Variants in BSN observed in about 807,000 individuals in gnomAD.
BSN encodes the protein protein bassoon.
A neutral mutation model predicts 264.8 loss-of-function variants in BSN; 57 were observed. That is an observed-to-expected ratio of 0.22 (90% confidence interval 0.17 to 0.27). The LOEUF (loss-of-function observed/expected upper bound fraction) is 0.27. BSN is among the 10% of genes least tolerant of loss of function. The pLI, the probability that BSN is intolerant of heterozygous loss-of-function variation, is 1.00. For missense variants in BSN, 4,615 were observed against 5,232.5 expected (o/e 0.88, Z 3.64); for synonymous variants, 2,059 against 2,137.3 (o/e 0.96, Z 1.01).
Position 49,652,889 on chromosome 3 carries a change from G to A in BSN, c.3333G>A (p.Gln1111=). Residue 1111 remains glutamine, a synonymous_variant, in exon 5 of 12, where the codon CAG becomes CAA. Coordinates refer to ENST00000296452, the MANE Select transcript of BSN (RefSeq NM_003458.4). ...CCTCCCCGACGGAGGAGCTGAGGCA[G>A]GCGGCCGAGATGGAGGAGCTACACC... ...EDASPTEELR[Q]AAEMEELHRS... The A allele has an allele frequency of 6.2e-7, 1 of 1,609,690 alleles. No homozygotes were observed. The highest frequency in any genetic ancestry group is 8.5e-7 in the Non-Finnish European group (1 of 1,177,144).
chr3:49,620,865 A>G (rs925494180), intron 1 of BSN, among the ~76,000 whole-genome samples: 2 of 152,116 alleles, frequency 1.3e-5, no homozygotes, highest in African/African-American at 4.8e-5. Context: ...GTGCGCCTGT[A>G]GTCCCAGCTA....
intron 1 of BSN, among the ~76,000 whole-genome samples, chr3:49,624,300 C>CATTTTTTTTTTTT (rs2052326362): frequency 1.5e-5 from 1 of 67,190 alleles, no homozygotes; most frequent in Non-Finnish European, 2.7e-5. Context: ...CGTGCCCAGC[C>CATTTTTTTTTTTT]TTTTTTTTTT....
intron 2 of BSN, among the ~76,000 whole-genome samples, chr3:49,641,050 G>C (rs1298469792): frequency 5.9e-5 from 9 of 152,096 alleles, no homozygotes; most frequent in Admixed American, 5.9e-4. Flanking sequence ...GGCTGGGTTG[G>C]GTCACAGAGT....
intron 5 of BSN, among the ~76,000 whole-genome samples, chr3:49,659,982 C>A (rs973032188): frequency 6.6e-6 from 1 of 152,116 alleles, no homozygotes; most frequent in Non-Finnish European, 1.5e-5. Context: ...GATTGGCATA[C>A]AATCTACATG....
At position 49,625,214 on chromosome 3, in the gene BSN, C is replaced by A. The variant is rs1575441020; in HGVS notation, c.464C>A (p.Pro155His). Residue 155 changes from proline (P) to histidine (H), a missense_variant, in exon 2 of 12, where the codon CCC becomes CAC. Pro to His is a moderately conservative substitution (Grantham distance 77, BLOSUM62 -2). Transcript: ENST00000296452. The surrounding 1 kb of genome is among the most constrained non-coding windows in gnomAD (Gnocchi z 4.4). ...GACAGAGGCAGCACCCCCACATCACCCTACTCCGTCCCTCAGATCGCCCCC... is the reference window on the plus strand; with the variant it reads ...GACAGAGGCAGCACCCCCACATCACACTACTCCGTCCCTCAGATCGCCCCC... ...SPDRGSTPTSPYSVPQIAPLP... is the reference protein window; with the variant it reads ...SPDRGSTPTSHYSVPQIAPLP... 1 of 1,577,008 alleles carries A rather than the reference C, an allele frequency of 6.3e-7. No individual in the cohort carries two copies. Among genetic ancestry groups the A allele is most frequent in the Non-Finnish European group, 8.6e-7 (1 of 1,162,686 alleles).
In BSN at chr3:49,661,365, G is replaced by A. The variant is rs752281059; in HGVS notation, c.9520G>A (p.Ala3174Thr). ...CAGCCCCGTTGTGCCCATGTCTTCAGCCCCATCTGAAACCAGCTACAGTGG... is the reference window on the plus strand; with the variant it reads ...CAGCCCCGTTGTGCCCATGTCTTCAACCCCATCTGAAACCAGCTACAGTGG... ...IASPVVPMSS[A>T]PSETSYSGPA... Residue 3174 changes from alanine (A) to threonine (T), a missense_variant, in exon 6 of 12, where the codon GCC (alanine) becomes ACC (threonine). Coordinates refer to ENST00000296452, the MANE Select transcript of BSN (RefSeq NM_003458.4). 2 of 1,614,000 alleles carry A rather than the reference G, an allele frequency of 1.2e-6. No homozygotes were observed. Among genetic ancestry groups the A allele is most frequent in the South Asian group, 2.2e-5 (2 of 91,082 alleles).
At chr3:49,560,177 C>T (rs1378971673) in intron 1 of BSN, among the ~76,000 whole-genome samples, 4 of 152,100 alleles carry the variant, frequency 2.6e-5, no homozygotes, top group Non-Finnish European at 5.9e-5. Flanking sequence ...ATAAATCTTT[C>T]CCCTTATCAC....
Position 49,662,425 on chromosome 3 carries a change from C to A in BSN, c.10580C>A (p.Thr3527Asn). The A allele has an allele frequency of 1.2e-6, 2 of 1,613,430 alleles. No individual in the cohort carries two copies. Among genetic ancestry groups the A allele is most frequent in the Non-Finnish European group, 1.7e-6 (2 of 1,180,004 alleles). The change falls in exon 6 of 12, where the codon ACC (threonine) becomes AAC (asparagine). Residue 3527 changes from threonine (T) to asparagine (N), a missense_variant. Transcript: ENST00000296452. ...AGGPLPPGGD[T>N]CPQFCSSHSM... ...GGGCCCCTCCCTCCCGGCGGGGATA[C>A]CTGCCCACAGTTCTGCTCCAGCCAC...
chr3:49,596,393 G>C (rs1211316600), intron 1 of BSN, among the ~76,000 whole-genome samples: 2 of 152,170 alleles, frequency 1.3e-5, no homozygotes, highest in African/African-American at 4.8e-5. Context: ...GACAGAGCGA[G>C]ACTCCGTCTC....
intron 1 of BSN, among the ~76,000 whole-genome samples, chr3:49,584,372 T>A (rs1350582520): frequency 6.6e-6 from 1 of 152,060 alleles, no homozygotes; most frequent in Non-Finnish European, 1.5e-5. Context: ...TAATCTTTAT[T>A]ATTTTCTTCA....
intron 1 of BSN, among the ~76,000 whole-genome samples, chr3:49,594,971 G>A (rs927332183): frequency 1.3e-4 from 19 of 142,862 alleles, no homozygotes; most frequent in East Asian, 4.3e-4. Context: ...GCTCACTGCC[G>A]TCTCTGCCTC....
At chr3:49,595,354 G>A (rs775112891) in intron 1 of BSN, among the ~76,000 whole-genome samples, 2 of 151,632 alleles carry the variant, frequency 1.3e-5, no homozygotes, top group Non-Finnish European at 2.9e-5. Context: ...CACCACCCCT[G>A]GCTAATTTTG....
chr3:49,655,996 G>T lies in BSN; in HGVS notation c.6440G>T (p.Gly2147Val), dbSNP rs777298178. The change falls in exon 5 of 12, where the codon GGA becomes GTA. Residue 2147 changes from glycine to valine, a missense_variant. By Grantham distance (109) the Gly-to-Val change is moderately radical. Transcript: ENST00000296452. ...APQSLVPLRP[G>V]LLGNPTFPEG... ...CAGAGTCTGGTTCCCCTCAGACCTG[G>T]ACTCCTTGGTAACCCCACCTTTCCA... is the stretch of plus-strand genomic sequence containing the variant. 6.2e-7 allele frequency: 1 copy of T among 1,605,280 alleles called. No individual in the cohort carries two copies. Among genetic ancestry groups the T allele is most frequent in the Non-Finnish European group, 8.5e-7 (1 of 1,176,134 alleles).
At chr3:49,568,381 AT>A (rs1370641567) in intron 1 of BSN, among the ~76,000 whole-genome samples, 1 of 152,220 alleles carries the variant, frequency 6.6e-6, no homozygotes, top group Non-Finnish European at 1.5e-5. Context: ...CTTTCCTATG[AT>A]TCCAAATAAA....
intron 2 of BSN, among the ~76,000 whole-genome samples, chr3:49,633,714 A>G (rs1347194642): frequency 6.6e-6 from 1 of 152,258 alleles, no homozygotes; most frequent in Non-Finnish European, 1.5e-5. Flanking sequence ...TGCAAAATAT[A>G]TGTATATACA....
intron 6 of BSN, 130 bp from the exon 7 acceptor site, chr3:49,662,746 T>C: frequency 2.7e-6 from 1 of 373,064 alleles, no homozygotes; most frequent in South Asian, 2.1e-5. Context: ...TGCGGGAGGG[T>C]GGGCTGGGGG....
rs780427113 is a variant in BSN, at chr3:49,661,300, A to T, written c.9455A>T (p.Asp3152Val). The change falls in exon 6 of 12, where the codon GAC (aspartate) becomes GTC (valine). Residue 3152 changes from aspartate to valine, a missense_variant. Around this residue, in one of 3 missense-constraint regions of BSN, gnomAD observed 3,415 missense variants for 3,866.4 expected, o/e 0.88. Transcript: ENST00000296452. ...LQKPRQTSLA[D>V]LEQKVPTNYE... ...AAGCCACGCCAGACATCGCTAGCCG[A>T]CTTGGAGCAGAAGGTGCCCACCAAC... 1 of 1,613,870 alleles carries T rather than the reference A, an allele frequency of 6.2e-7. No individual in the cohort carries two copies. Among genetic ancestry groups the T allele is most frequent in the Non-Finnish European group, 8.5e-7 (1 of 1,180,016 alleles).
At chr3:49,557,334 T>G (rs950756870) in intron 1 of BSN, among the ~76,000 whole-genome samples, 2 of 152,174 alleles carry the variant, frequency 1.3e-5, no homozygotes, top group African/African-American at 2.4e-5. Context: ...TCCTCTTAGA[T>G]GAAGGGGCAT....
At position 49,656,625 on chromosome 3, in the gene BSN, G is replaced by C; in HGVS notation, c.7069G>C (p.Glu2357Gln). ...CCTCAGCCGGCCAGGGTTCGAGAAA[G>C]AGGAAGCATCACAGGAGGAGAGGCA... ...GALSRPGFEK[E>Q]EASQEERQRK... The change falls in exon 5 of 12, where the codon GAG becomes CAG. Residue 2357 changes from glutamate to glutamine, a missense_variant. Glu to Gln is a conservative substitution (Grantham distance 29). This residue lies in a region of BSN where 3,415 missense variants were observed against 3,866.4 expected (regional missense o/e 0.88). Coordinates refer to ENST00000296452, the MANE Select transcript of BSN (RefSeq NM_003458.4). 6.2e-7 allele frequency: 1 copy of C among 1,609,212 alleles called. No individual in the cohort carries two copies. The highest frequency in any genetic ancestry group is 8.5e-7 in the Non-Finnish European group (1 of 1,177,730).
Sources: allele counts gnomAD v4.1 joint callset (sites outside exome capture counted in the v4.1 genomes callset), GRCh38; gene constraint gnomAD v4.1.1; regional missense constraint gnomAD v4.1.1; non-coding constraint Gnocchi (gnomAD v3.1); transcripts MANE v1.5; gene names NCBI Gene and HGNC (gene_info 2026-07-23, HGNC 2026-07-21).